TPD52L1: variants seen among roughly 807,000 people sequenced by gnomAD.
The protein encoded by TPD52L1 is TPD52 like 1, also known as tumor protein D53.
A neutral mutation model predicts 28.7 loss-of-function variants in TPD52L1; 18 were observed. That is an observed-to-expected ratio of 0.63 (90% CI 0.43 to 0.93). The LOEUF (loss-of-function observed/expected upper bound fraction) is 0.93, where lower values mean the gene tolerates loss of function less well. Ranked by LOEUF, TPD52L1 falls within the 40% of genes least tolerant of loss-of-function variation. TPD52L1 has a pLI of 0.00. For missense variants in TPD52L1, 203 were observed against 254.8 expected (o/e 0.80, Z 1.39); for synonymous variants, 75 against 88.8 (o/e 0.84, Z 0.88).
At chr6:125,220,721 C>A (rs939186041) in intron 2 of TPD52L1, among the ~76,000 whole-genome samples, 1 of 152,132 alleles carries the variant, frequency 6.6e-6, no homozygotes, top group Non-Finnish European at 1.5e-5. Flanking sequence ...TCATCGAGGC[C>A]TAATTAGATC....
At chr6:125,252,796 ATTTG>A (rs1465530771) in intron 4 of TPD52L1, 2 of 152,164 alleles carry the variant, frequency 1.3e-5, no homozygotes, top group East Asian at 1.9e-4. Context: ...TATCCCATGA[ATTTG>A]TTTGTCCTTT....
chr6:125,238,028 T>C (rs563736320), intron 3 of TPD52L1, among the ~76,000 whole-genome samples: 3 of 152,300 alleles, frequency 2.0e-5, no homozygotes, highest in African/African-American at 4.8e-5. Flanking sequence ...TACTGAAACC[T>C]TCATCAGCAT....
At chr6:125,197,552 G>A (rs1472739017) in intron 1 of TPD52L1, among the ~76,000 whole-genome samples, 3 of 152,068 alleles carry the variant, frequency 2.0e-5, no homozygotes, top group Admixed American at 6.6e-5. Flanking sequence ...AGGCCCAAAA[G>A]AACAGACTCT....
intron 1 of TPD52L1, among the ~76,000 whole-genome samples, chr6:125,203,306 T>C (rs993152393): frequency 1.3e-5 from 2 of 152,226 alleles, no homozygotes; most frequent in Non-Finnish European, 2.9e-5. Flanking sequence ...TGTTTGTTTT[T>C]TTGCATAACT....
At position 125,263,262 on chromosome 6, in the gene TPD52L1, A is replaced by C. The variant is rs1798160549; in HGVS notation, c.*300A>C. 2.8e-5 allele frequency: 9 copies of C among 321,322 alleles called. No individual in the cohort carries two copies. The allele number at this position is 321,322 out of a possible 1,614,324, so 19.9% of individuals were successfully genotyped here. On this transcript the variant is annotated 3_prime_UTR_variant, in exon 7 of 7. Coordinates refer to ENST00000534000, the MANE Select transcript of TPD52L1 (RefSeq NM_003287.4). The stretch of plus-strand genomic sequence containing the variant: ...GTGTAATTCGATGTATATTTTTCCA[A>C]ACATGTAGCTATTGTTTGCTTTGAT...
chr6:125,200,341 T>A (rs1200736975), intron 1 of TPD52L1, among the ~76,000 whole-genome samples: 1 of 152,206 alleles, frequency 6.6e-6, no homozygotes, highest in Non-Finnish European at 1.5e-5. Context: ...TTGTAAAGAA[T>A]CTATTTGAAA....
At chr6:125,158,601 A>G (rs956269867) in intron 1 of TPD52L1, among the ~76,000 whole-genome samples, 2 of 152,236 alleles carry the variant, frequency 1.3e-5, no homozygotes, top group Non-Finnish European at 2.9e-5. Context: ...GAAGCAAGGG[A>G]TGAAGCTCTA....
intron 1 of TPD52L1, chr6:125,219,849 C>A: frequency 1.9e-6 from 1 of 522,086 alleles, no homozygotes; most frequent in Non-Finnish European, 3.5e-6. Flanking sequence ...CTGTTTACAT[C>A]TCTGCCTTCT....
intron 1 of TPD52L1, among the ~76,000 whole-genome samples, chr6:125,195,870 C>T (rs565741473): frequency 2.0e-5 from 3 of 152,292 alleles, no homozygotes; most frequent in East Asian, 1.9e-4. Context: ...CCTGTTCGCG[C>T]TATCACAGCC....
At chr6:125,194,027 T>G (rs1793238796) in intron 1 of TPD52L1, among the ~76,000 whole-genome samples, 2 of 141,224 alleles carry the variant, frequency 1.4e-5, no homozygotes, top group South Asian at 4.3e-4. Context: ...TGAATAGTTT[T>G]TTTTTTTTTT....
intron 2 of TPD52L1, among the ~76,000 whole-genome samples, chr6:125,223,506 C>T (rs1188280814): frequency 1.3e-5 from 2 of 152,030 alleles, no homozygotes; most frequent in East Asian, 3.9e-4. Context: ...GTCAGGAGTT[C>T]GAGACCAGCC....
chr6:125,219,832 G>T (rs1005828780), intron 1 of TPD52L1: 2 of 478,428 alleles, frequency 4.2e-6, no homozygotes, highest in East Asian at 4.1e-5. Flanking sequence ...CTCCCTGAAA[G>T]CTTGTCCTGT....
chr6:125,239,676 G>A (rs538816106), intron 3 of TPD52L1, among the ~76,000 whole-genome samples: 2 of 152,198 alleles, frequency 1.3e-5, no homozygotes, highest in South Asian at 4.2e-4. Context: ...ACTTTTTGAT[G>A]GGGTTGTTTT....
intron 3 of TPD52L1, among the ~76,000 whole-genome samples, chr6:125,247,035 C>G (rs1796959197): frequency 6.6e-6 from 1 of 151,840 alleles, no homozygotes; most frequent in Non-Finnish European, 1.5e-5. Context: ...TATTTCTGTC[C>G]TAGGGAAGAC....
intron 3 of TPD52L1, among the ~76,000 whole-genome samples, chr6:125,235,873 T>C (rs1029852166): frequency 6.6e-6 from 1 of 152,096 alleles, no homozygotes; most frequent in African/African-American, 2.4e-5. Context: ...GGATCCCAAG[T>C]CTATATATAT....
At chr6:125,228,960 A>G in intron 2 of TPD52L1, 158 bp from the exon 3 acceptor site, 2 of 525,190 alleles carry the variant, frequency 3.8e-6, no homozygotes, top group Non-Finnish European at 6.5e-6. Context: ...ACTTTGAGAT[A>G]TTAGACTATC....
intron 5 of TPD52L1, among the ~76,000 whole-genome samples, chr6:125,255,104 TG>T (rs555276225): frequency 2.0e-5 from 3 of 152,146 alleles, no homozygotes; most frequent in Non-Finnish European, 4.4e-5. Context: ...CCCCTTTACT[TG>T]TCAAATTTTA....
At chr6:125,256,149 A>C (rs182458386) in intron 5 of TPD52L1, among the ~76,000 whole-genome samples, 16 of 152,252 alleles carry the variant, frequency 1.1e-4, no homozygotes, top group Admixed American at 1.0e-3. Flanking sequence ...AGAATTCGAG[A>C]CCAGCCTGGC....
intron 1 of TPD52L1, among the ~76,000 whole-genome samples, chr6:125,183,001 C>A (rs1441323269): frequency 6.6e-6 from 1 of 152,130 alleles, no homozygotes; most frequent in Non-Finnish European, 1.5e-5. Context: ...AGACAAATTC[C>A]CCTTTTTTGA....
Sources: gnomAD v4.1 joint callset for allele counts (sites outside exome capture counted in the v4.1 genomes callset) on GRCh38, gnomAD v4.1.1 for gene constraint, MANE v1.5 for transcripts, NCBI Gene and HGNC (gene_info 2026-07-23, HGNC 2026-07-21) for gene names.